The following CNTN4 variants were observed in gnomAD, a reference collection of about 807,000 sequenced individuals.
CNTN4 encodes contactin-4.
A neutral mutation model predicts 122.5 loss-of-function variants in CNTN4; 77 were observed. That is an observed-to-expected ratio of 0.63 (90% CI 0.52 to 0.76). CNTN4 has a LOEUF of 0.76. Ranked by LOEUF, CNTN4 falls within the 30% of genes least tolerant of loss-of-function variation. The pLI, the probability that CNTN4 is intolerant of heterozygous loss-of-function variation, is 0.00. For missense variants in CNTN4, 1,256 were observed against 1,259.1 expected (o/e 1.00, Z 0.04); for synonymous variants, 512 against 447.0 (o/e 1.15, Z -1.83).
At chr3:2,621,231 G>A (rs1290376120) in intron 4 of CNTN4, among the ~76,000 whole-genome samples, 1 of 152,096 alleles carries the variant, frequency 6.6e-6, no homozygotes, top group East Asian at 1.9e-4. Context: ...ATGCAGCAAG[G>A]GAACTAGACT....
At chr3:2,180,534 GT>G (rs1333093134) in intron 2 of CNTN4, among the ~76,000 whole-genome samples, 1 of 151,984 alleles carries the variant, frequency 6.6e-6, no homozygotes, top group Non-Finnish European at 1.5e-5. Context: ...CCTGAATACT[GT>G]GTAAAAGGCT....
intron 3 of CNTN4, among the ~76,000 whole-genome samples, chr3:2,407,696 T>G (rs1364211573): frequency 6.6e-6 from 1 of 152,168 alleles, no homozygotes; most frequent in Non-Finnish European, 1.5e-5. Flanking sequence ...ATGTTAAAAT[T>G]GATTCCCAAA....
chr3:2,351,749 C>T, intron 3 of CNTN4, among the ~76,000 whole-genome samples: 1 of 149,618 alleles, frequency 6.7e-6, no homozygotes, highest in Non-Finnish European at 1.5e-5. Context: ...GAGGGGACTA[C>T]TGTTTATGAA....
At chr3:2,697,485 C>T (rs572541064) in intron 4 of CNTN4, among the ~76,000 whole-genome samples, 64 of 152,278 alleles carry the variant, frequency 4.2e-4, no homozygotes, top group African/African-American at 1.5e-3. Context: ...TGTGCCTACT[C>T]ATTACCATGT....
intron 2 of CNTN4, among the ~76,000 whole-genome samples, chr3:2,170,272 A>G (rs182051144): frequency 7.6e-4 from 115 of 152,192 alleles, no homozygotes; most frequent in East Asian, 2.3e-3. Context: ...GTGAGCCGAG[A>G]TCGCGCCACC....
intron 2 of CNTN4, among the ~76,000 whole-genome samples, chr3:2,192,761 T>TA (rs1360119386): frequency 1.3e-5 from 2 of 152,170 alleles, no homozygotes; most frequent in African/African-American, 2.4e-5. Context: ...GTGAATGGCT[T>TA]ACTGATTTTT....
In CNTN4 at chr3:2,216,247, G is replaced by C. The variant is rs182008637; in HGVS notation, c.-145+115608G>C. 3.0e-4 allele frequency among the ~76,000 whole-genome samples: 45 copies of C among 152,306 alleles called. 1 individual carries two copies. Among genetic ancestry groups the C allele is most frequent in the Admixed American group, 2.6e-3 (40 of 15,300 alleles). ...TATGTCTTTTGTGGCATCATGGATG[G>C]AGCTGGAGGCTATTATCATCAGCAA... On this transcript the variant is annotated intron_variant, in intron 2 of 24. Transcript: ENST00000418658.
chr3:2,262,479 T>A (rs2040872723), intron 2 of CNTN4: 1 of 152,156 alleles, frequency 6.6e-6, no homozygotes. Context: ...AGAGTGGATT[T>A]TATAAGCTCG....
At chr3:2,640,082 A>T (rs1198062669) in intron 4 of CNTN4, among the ~76,000 whole-genome samples, 2 of 152,210 alleles carry the variant, frequency 1.3e-5, no homozygotes, top group African/African-American at 2.4e-5. Flanking sequence ...CTTAAAGGGG[A>T]TGTAGCTGGG....
At chr3:2,491,305 G>A (rs546326692) in intron 3 of CNTN4, among the ~76,000 whole-genome samples, 1 of 152,132 alleles carries the variant, frequency 6.6e-6, no homozygotes, top group Non-Finnish European at 1.5e-5. Flanking sequence ...AATTACACAA[G>A]AGTAATAGAT....
intron 3 of CNTN4, among the ~76,000 whole-genome samples, chr3:2,528,882 A>G (rs2077494967): frequency 6.6e-6 from 1 of 152,048 alleles, no homozygotes; most frequent in African/African-American, 2.4e-5. Flanking sequence ...CAATGCATCC[A>G]ATATATAGTG....
intron 6 of CNTN4, among the ~76,000 whole-genome samples, chr3:2,795,565 G>C (rs1034755571): frequency 2.7e-5 from 4 of 150,254 alleles, no homozygotes; most frequent in Non-Finnish European, 5.9e-5. Context: ...CTGTCGCCCA[G>C]GCTGGAGTGC....
At chr3:2,340,460 A>G (rs1161047372) in intron 3 of CNTN4, among the ~76,000 whole-genome samples, 1 of 151,572 alleles carries the variant, frequency 6.6e-6, no homozygotes, top group Non-Finnish European at 1.5e-5. Flanking sequence ...TCAGATTTTT[A>G]ACACCCTCAG....
At chr3:2,928,510 A>G (rs1230705578) in intron 13 of CNTN4, among the ~76,000 whole-genome samples, 2 of 152,204 alleles carry the variant, frequency 1.3e-5, no homozygotes, top group Non-Finnish European at 2.9e-5. Context: ...ATGAAGTGCA[A>G]AATTCTTTGA....
At chr3:2,849,806 G>T (rs762285727) in intron 7 of CNTN4, among the ~76,000 whole-genome samples, 6 of 152,172 alleles carry the variant, frequency 3.9e-5, no homozygotes, top group Non-Finnish European at 8.8e-5. Flanking sequence ...ATCAGATAAT[G>T]TGAGTCAGGT....
At chr3:2,187,138 C>G (rs2037309287) in intron 2 of CNTN4, among the ~76,000 whole-genome samples, 1 of 152,160 alleles carries the variant, frequency 6.6e-6, no homozygotes, top group African/African-American at 2.4e-5. Flanking sequence ...TTTCAGCTTT[C>G]TACATATGGC....
chr3:3,018,590 G>A (rs1188873214), intron 14 of CNTN4, among the ~76,000 whole-genome samples: 1 of 152,200 alleles, frequency 6.6e-6, no homozygotes, highest in Non-Finnish European at 1.5e-5. Context: ...AATGTTGGCA[G>A]ATTGGTTATA....
intron 2 of CNTN4, among the ~76,000 whole-genome samples, chr3:2,322,413 A>G (rs1464741673): frequency 6.6e-6 from 1 of 151,578 alleles, no homozygotes; most frequent in African/African-American, 2.4e-5. Flanking sequence ...CCTTGAAAAC[A>G]CTAACTGACT....
chr3:2,323,848 C>G (rs747152271), intron 2 of CNTN4, among the ~76,000 whole-genome samples: 5 of 152,110 alleles, frequency 3.3e-5, no homozygotes, highest in African/African-American at 4.8e-5. Flanking sequence ...AAGTTTAGTA[C>G]TGGGCTCTAT....
Sources: gnomAD v4.1 joint callset for allele counts (sites outside exome capture counted in the v4.1 genomes callset) on GRCh38, gnomAD v4.1.1 for gene constraint, MANE v1.5 for transcripts, NCBI Gene and HGNC (gene_info 2026-07-23, HGNC 2026-07-21) for gene names.